Variants in AATK observed in about 807,000 individuals in gnomAD.
AATK encodes serine/threonine-protein kinase LMTK1.
A neutral mutation model predicts 114.3 loss-of-function variants in AATK; 91 were observed. The ratio of observed to expected loss-of-function variants is 0.80; its 90% CI spans 0.67 to 0.95. The LOEUF is 0.95. AATK is among the 40% of genes least tolerant of loss of function. The pLI, the probability that AATK is intolerant of heterozygous loss-of-function variation, is 0.00. For missense variants in AATK, 2,176 were observed against 1,965.2 expected (o/e 1.11, Z -2.03); for synonymous variants, 1,075 against 916.5 (o/e 1.17, Z -3.12).
intron 1 of AATK, among the ~76,000 whole-genome samples, chr17:81,147,233 T>G (rs796936834): frequency 2.0e-5 from 3 of 150,850 alleles, no homozygotes; most frequent in Middle Eastern, 3.5e-3. Flanking sequence ...TGGTGGCAGG[T>G]ACCTGTAGTC....
chr17:81,155,377 AC>A (rs1341833401), intron 1 of AATK, among the ~76,000 whole-genome samples: 1 of 140,494 alleles, frequency 7.1e-6, no homozygotes, highest in Non-Finnish European at 1.5e-5. Flanking sequence ...AATACATTTT[AC>A]CTATTATTAT....
At chr17:81,131,730 T>C (rs2060935531) in intron 2 of AATK, among the ~76,000 whole-genome samples, 1 of 152,110 alleles carries the variant, frequency 6.6e-6, no homozygotes, top group Admixed American at 6.5e-5. Context: ...GGGCTGTGCC[T>C]GGGGTCCCAC....
chr17:81,141,448 C>A (rs999945705), intron 1 of AATK, among the ~76,000 whole-genome samples: 3 of 152,108 alleles, frequency 2.0e-5, no homozygotes, highest in South Asian at 4.1e-4. Flanking sequence ...CTCTGTCCCC[C>A]CCAAAAGAAA....
intron 1 of AATK, among the ~76,000 whole-genome samples, chr17:81,145,289 C>T (rs2061201689): frequency 6.7e-6 from 1 of 149,998 alleles, no homozygotes; most frequent in South Asian, 2.1e-4. Flanking sequence ...AGCCTGACTG[C>T]ATAACTTCAG....
Position 81,121,981 on chromosome 17 carries a change from C to T in AATK, c.1955G>A (p.Gly652Glu). Residue 652 changes from glycine to glutamate, a missense_variant, in exon 11 of 14, where the codon GGG becomes GAG. Gly to Glu is a moderately conservative substitution (Grantham distance 98). This residue lies in a region of AATK where 1,701 missense variants were observed against 1,394.7 expected (regional missense o/e 1.22). Transcript: ENST00000326724. ...PLGTSPLGSS[G>E]APPLPLTGED... Reference sequence around the variant, plus strand: ...GCCAGTCAGCGGCAGCGGGGGCGCCCCTGAGCTCCCCAAAGGGGACGTGCC... The same window carrying T: ...GCCAGTCAGCGGCAGCGGGGGCGCCTCTGAGCTCCCCAAAGGGGACGTGCC... 1.9e-6 allele frequency: 3 copies of T among 1,601,452 alleles called. No homozygotes were observed. The highest frequency in any genetic ancestry group is 2.5e-6 in the Non-Finnish European group (3 of 1,178,522).
chr17:81,146,050 G>A (rs552534229), intron 1 of AATK, among the ~76,000 whole-genome samples: 12 of 151,852 alleles, frequency 7.9e-5, no homozygotes, highest in South Asian at 2.1e-4. Context: ...TTGGCCGGGC[G>A]TGGTGGCGGA....
chr17:81,144,453 C>T (rs4969258), intron 1 of AATK, among the ~76,000 whole-genome samples: 58,768 of 152,056 alleles, frequency 0.39, 11,672 homozygotes, highest in East Asian at 0.52. Context: ...TGTGGGTGGC[C>T]GAGAGGACAC....
intron 6 of AATK, 56 bp downstream of exon 6, chr17:81,127,527 C>T: frequency 1.3e-6 from 2 of 1,523,564 alleles, no homozygotes; most frequent in South Asian, 1.2e-5. Context: ...ACTGGCAGGG[C>T]AAGGGAGGGC....
At chr17:81,141,478 A>G (rs1248414954) in intron 1 of AATK, among the ~76,000 whole-genome samples, 2 of 152,206 alleles carry the variant, frequency 1.3e-5, no homozygotes, top group Non-Finnish European at 2.9e-5. Context: ...GTGACTTTCA[A>G]TTTCTGACTT....
chr17:81,135,170 C>G (rs2060991237), intron 1 of AATK, among the ~76,000 whole-genome samples: 1 of 152,220 alleles, frequency 6.6e-6, no homozygotes, highest in Admixed American at 6.5e-5. Context: ...CATGGAGCCC[C>G]TCATCCCAGA....
At chr17:81,160,332 C>A (rs2061415606) in intron 1 of AATK, 1 of 827,272 alleles carries the variant, frequency 1.2e-6, no homozygotes, top group Non-Finnish European at 1.5e-6. Flanking sequence ...CCACCCAAGG[C>A]CGCAGCCCCC....
chr17:81,118,399 G>C lies in AATK; in HGVS notation c.*3C>G, dbSNP rs199841830. 1,410 of 1,606,054 alleles carry C rather than the reference G, an allele frequency of 8.8e-4. 1 individual carries two copies. Among genetic ancestry groups the C allele is most frequent in the Non-Finnish European group, 1.1e-3 (1,333 of 1,177,268 alleles). ...GCCTTGAGGGGCAGGAGCTGCCCAG[G>C]TCTCAAGCCTCTTTACTCTCACCCC... is the stretch of plus-strand genomic sequence containing the variant. On this transcript the variant is annotated 3_prime_UTR_variant, in exon 14 of 14. Transcript: ENST00000326724.
rs1415647040 is a variant in AATK at position 81,121,841 on chromosome 17, C to T, written c.2095G>A (p.Val699Ile). The T allele has an allele frequency of 8.8e-6, 14 of 1,594,450 alleles. No homozygotes were observed. Among genetic ancestry groups the T allele is most frequent in the Admixed American group, 1.7e-5 (1 of 59,440 alleles). ...GSRCPESWDP[V>I]SAGGHAEGCP... ...CCCTCAGCGTGGCCGCCCGCAGAGA[C>T]GGGGTCCCAGGACTCTGGACAGCGG... Residue 699 changes from valine (V) to isoleucine (I), a missense_variant, in exon 11 of 14, where the codon GTC becomes ATC. By Grantham distance (29) the Val-to-Ile change is conservative (BLOSUM62 3). Around this residue, in one of 4 missense-constraint regions of AATK, gnomAD observed 1,701 missense variants for 1,394.7 expected, o/e 1.22. Transcript: ENST00000326724.
At chr17:81,138,519 C>G (rs1431108629) in intron 1 of AATK, among the ~76,000 whole-genome samples, 4 of 150,448 alleles carry the variant, frequency 2.7e-5, no homozygotes, top group African/African-American at 9.8e-5. Context: ...ACAATGCACC[C>G]ACACACGTGC....
At chr17:81,136,264 C>T (rs549761672) in intron 1 of AATK, 9 of 152,512 alleles carry the variant, frequency 5.9e-5, no homozygotes, top group Admixed American at 2.6e-4. Context: ...AGTGAAGGAA[C>T]CTATCTGTGG....
chr17:81,138,952 C>A (rs1337179621), intron 1 of AATK, among the ~76,000 whole-genome samples: 1 of 150,302 alleles, frequency 6.7e-6, no homozygotes, highest in Non-Finnish European at 1.5e-5. Context: ...ACATGCACAC[C>A]CCCCACACGT....
intron 1 of AATK, among the ~76,000 whole-genome samples, chr17:81,148,956 G>A (rs1038477676): frequency 2.6e-5 from 4 of 152,202 alleles, no homozygotes; most frequent in Non-Finnish European, 5.9e-5. Context: ...GGTGTCCCCA[G>A]GTGAGGGAGA....
chr17:81,165,388 C>G, intron 1 of AATK: 1 of 273,742 alleles, frequency 3.7e-6, no homozygotes, highest in South Asian at 3.4e-5. Flanking sequence ...GTCAGGGGAT[C>G]TGGGCACCCA....
rs759721974 is a variant in AATK at position 81,119,512 on chromosome 17, C to T, written c.3952G>A (p.Asp1318Asn). 2.2e-4 allele frequency: 350 copies of T among 1,564,296 alleles called. No individual in the cohort carries two copies. The highest frequency in any genetic ancestry group is 4.0e-4 in the Admixed American group (22 of 55,258). ...GCAGCCGGGGCGGGTGCGGCCGGGT[C>T]TAGGGCCATGGCGAAGGCTGCCTTG... ...TAKAAFAMALDPAAPAPAAPT... is the reference protein window; with the variant it reads ...TAKAAFAMALNPAAPAPAAPT... Residue 1318 changes from aspartate to asparagine, a missense_variant, in exon 13 of 14, where the codon GAC becomes AAC. By Grantham distance (23) the Asp-to-Asn change is conservative. Coordinates refer to ENST00000326724, the MANE Select transcript of AATK (RefSeq NM_001080395.3).
Sources: allele counts gnomAD v4.1 joint callset (sites outside exome capture counted in the v4.1 genomes callset), GRCh38; gene constraint gnomAD v4.1.1; regional missense constraint gnomAD v4.1.1; transcripts MANE v1.5; gene names NCBI Gene and HGNC (gene_info 2026-07-23, HGNC 2026-07-21).